Variants in USP53 observed in about 807,000 individuals in gnomAD.
The protein encoded by USP53 is ubiquitin carboxyl-terminal hydrolase 53.
A neutral mutation model predicts 94.9 loss-of-function variants in USP53; 71 were observed. The ratio of observed to expected loss-of-function variants is 0.75; its 90% CI spans 0.62 to 0.91. The LOEUF (loss-of-function observed/expected upper bound fraction) is 0.91, where lower values mean the gene tolerates loss of function less well. USP53 is among the 40% of genes least tolerant of loss of function. The pLI, the probability that USP53 is intolerant of heterozygous loss-of-function variation, is 0.00. For synonymous variants in USP53, 375 were observed against 422.7 expected (o/e 0.89, Z 1.39); for missense variants, 1,173 against 1,281.0 (o/e 0.92, Z 1.29).
In USP53 at chr4:119,293,140, T is replaced by C. The variant is rs765780556; in HGVS notation, c.3151T>C (p.Leu1051=). The C allele has an allele frequency of 3.7e-6, 6 of 1,613,426 alleles. No individual in the cohort carries two copies. The highest frequency in any genetic ancestry group is 1.1e-5 in the South Asian group (1 of 91,052). ...VDSCMTDTYR[L]KYHQRPKLSF... ...TAGCTGCATGACGGATACATATAGA[T>C]TGAAATACCATCAGAGGCCCAAGCT... The change falls in exon 19 of 19, where the codon TTG becomes CTG. Residue 1051 remains leucine (L), a synonymous_variant. Coordinates refer to ENST00000692078, the MANE Select transcript of USP53 (RefSeq NM_001371395.1).
At chr4:119,250,768 C>T (rs1223129936) in intron 7 of USP53, among the ~76,000 whole-genome samples, 1 of 152,038 alleles carries the variant, frequency 6.6e-6, no homozygotes, top group African/African-American at 2.4e-5. Flanking sequence ...AATAAATGCC[C>T]CTTATTGATC....
rs1215985645 is a variant in USP53 at position 119,292,942 on chromosome 4, A to G, written c.2953A>G (p.Thr985Ala). ...TATGAATGATGAAAGACATAAAGAAACATTTCAAGTGAGAGAATGTTTTGG... is the reference window on the plus strand; with the variant it reads ...TATGAATGATGAAAGACATAAAGAAGCATTTCAAGTGAGAGAATGTTTTGG... ...THMNDERHKE[T>A]FQVRECFGNT... Residue 985 changes from threonine (T) to alanine (A), a missense_variant, in exon 19 of 19, where the codon ACA (threonine) becomes GCA (alanine). By Grantham distance (58) the Thr-to-Ala change is moderately conservative (BLOSUM62 0). Transcript: ENST00000692078. The G allele has an allele frequency of 3.7e-6, 6 of 1,614,114 alleles. No homozygotes were observed. The highest frequency in any genetic ancestry group is 5.1e-6 in the Non-Finnish European group (6 of 1,179,982).
intron 7 of USP53, among the ~76,000 whole-genome samples, chr4:119,253,728 A>C (rs1468240903): frequency 1.3e-5 from 2 of 152,102 alleles, no homozygotes; most frequent in Non-Finnish European, 2.9e-5. Flanking sequence ...ATTTAAGGTT[A>C]ATATTGTTAT....
intron 7 of USP53, among the ~76,000 whole-genome samples, chr4:119,255,288 C>T (rs1749604372): frequency 6.6e-6 from 1 of 152,198 alleles, no homozygotes; most frequent in African/African-American, 2.4e-5. Context: ...TTTAAGTCTG[C>T]AGAAGCTGTC....
At position 119,239,809 on chromosome 4, in the gene USP53, T is replaced by C; in HGVS notation, c.50T>C (p.Val17Ala). The change falls in exon 5 of 19, where the codon GTT becomes GCT. Residue 17 changes from valine to alanine, a missense_variant. Transcript: ENST00000692078. The part of the protein sequence containing the change: ...LRKPGGNLGK[V>A]YQPGSMLSLA... ...AAACCTGGTGGCAATCTTGGAAAAG[T>C]TTATCAGCCTGGAAGTATGCTATCA... The C allele has an allele frequency of 6.2e-7, 1 of 1,612,252 alleles. No homozygotes were observed. The highest frequency in any genetic ancestry group is 1.1e-5 in the South Asian group (1 of 90,608).
At chr4:119,226,417 GT>G (rs1178185968) in intron 3 of USP53, among the ~76,000 whole-genome samples, 32 of 152,144 alleles carry the variant, frequency 2.1e-4, no homozygotes, top group African/African-American at 6.0e-4. Context: ...TAGAACTAAG[GT>G]TGCAGTTTTT....
chr4:119,273,434 G>A, intron 16 of USP53, 198 bp from the exon 17 acceptor site: 1 of 433,116 alleles, frequency 2.3e-6, no homozygotes, highest in Non-Finnish European at 4.2e-6. Flanking sequence ...TAATTATTGG[G>A]CAAATTAATT....
At chr4:119,232,999 C>T (rs1052529256) in intron 3 of USP53, among the ~76,000 whole-genome samples, 1 of 151,852 alleles carries the variant, frequency 6.6e-6, no homozygotes, top group Admixed American at 6.6e-5. Context: ...CTAAACTAGC[C>T]TTTTTAAGCT....
chr4:119,256,130 C>A, intron 7 of USP53, 116 bp from the exon 8 acceptor site: 1 of 684,842 alleles, frequency 1.5e-6, no homozygotes, highest in Non-Finnish European at 2.4e-6. Flanking sequence ...GAAAAGCTAA[C>A]AATATGTATG....
At chr4:119,269,587 C>T (rs1161499545) in intron 14 of USP53, 104 bp from the exon 15 acceptor site, 12 of 749,694 alleles carry the variant, frequency 1.6e-5, no homozygotes, top group Non-Finnish European at 2.1e-5. Flanking sequence ...CATATCTATG[C>T]TCTTTTTAAA....
rs1753745454 is a variant in USP53, at chr4:119,283,537, T to C, written c.2252-7628T>C. Among the ~76,000 whole-genome samples the C allele has an allele frequency of 2.0e-5, 3 of 151,892 alleles. No homozygotes were observed. The South Asian group carries it at 6.2e-4, about 31-fold the overall frequency. Reference sequence around the variant, plus strand: ...GGGAGAAAAATTAGTTAGATGATGATTGTAATAGCCTAGGAGAGAAAAGTT... The same window carrying C: ...GGGAGAAAAATTAGTTAGATGATGACTGTAATAGCCTAGGAGAGAAAAGTT... On this transcript the variant is annotated intron_variant, in intron 17 of 18. Transcript: ENST00000692078.
At chr4:119,249,546 A>G (rs1436023671) in intron 7 of USP53, among the ~76,000 whole-genome samples, 1 of 152,098 alleles carries the variant, frequency 6.6e-6, no homozygotes, top group Non-Finnish European at 1.5e-5. Flanking sequence ...TTCTTTCATC[A>G]GAAACCCTTT....
rs148073875 is a variant in USP53, at chr4:119,256,435, A to G, written c.487-6A>G. The stretch of plus-strand genomic sequence containing the variant: ...ATAGATTAAACATATGTTTTTACCT[A>G]TATAGTGTGTGTGTCGTAGCTGTGG... On this transcript the variant is annotated splice_region_variant and splice_polypyrimidine_tract_variant and intron_variant, in intron 8 of 18. Transcript: ENST00000692078. 3.1e-6 allele frequency: 5 copies of G among 1,613,810 alleles called. No homozygotes were observed. The highest frequency in any genetic ancestry group is 3.3e-5 in the Admixed American group (2 of 60,000).
rs141260114 is a variant in USP53, at chr4:119,231,159, C to T, written c.-664-4131C>T. ...TGTCAGGGGTAACTGAGTACTGCTT[C>T]TGGAATCAGAAAGTCCAACTTATGT... On this transcript the variant is annotated intron_variant, in intron 3 of 18. Coordinates refer to ENST00000692078, the MANE Select transcript of USP53 (RefSeq NM_001371395.1). Among the ~76,000 whole-genome samples the T allele has an allele frequency of 4.3e-4, 66 of 152,268 alleles. 1 individual carries two copies. The East Asian group carries it at 0.012, about 28-fold the overall frequency.
Position 119,271,334 on chromosome 4 carries a change from T to A in USP53, c.1474T>A (p.Ser492Thr). The change falls in exon 16 of 19, where the codon TCA becomes ACA. Residue 492 changes from serine to threonine, a missense_variant. Physicochemically the swap from Ser to Thr is moderately conservative, Grantham distance 58. Coordinates refer to ENST00000692078, the MANE Select transcript of USP53 (RefSeq NM_001371395.1). ...DEDLSHFQSG[S>T]PPAPNGFKQH... is the part of the protein sequence containing the mutation. ...AGACCTTTCACATTTCCAATCTGGA[T>A]CACCTCCTGCCCCAAATGGTTTTAA... 1.3e-6 allele frequency: 2 copies of A among 1,579,628 alleles called. No individual in the cohort carries two copies. The highest frequency in any genetic ancestry group is 1.7e-6 in the Non-Finnish European group (2 of 1,168,380).
chr4:119,266,068 C>G (rs567047291), intron 12 of USP53, among the ~76,000 whole-genome samples: 3 of 152,200 alleles, frequency 2.0e-5, no homozygotes, highest in African/African-American at 7.2e-5. Flanking sequence ...AATCACTGGT[C>G]TCATTATAGA....
chr4:119,227,298 CAA>C (rs1491218238), intron 3 of USP53, among the ~76,000 whole-genome samples: 7 of 142,222 alleles, frequency 4.9e-5, no homozygotes, highest in African/African-American at 1.8e-4. Flanking sequence ...CACACACACA[CAA>C]ACTTGAAATG....
chr4:119,270,547 C>T (rs1205715699), intron 15 of USP53, among the ~76,000 whole-genome samples: 2 of 152,134 alleles, frequency 1.3e-5, no homozygotes, highest in African/African-American at 4.8e-5. Flanking sequence ...TCACTCATGG[C>T]ACATTCAAGT....
rs201011529 is a variant in USP53, at chr4:119,255,119, GC to G, written c.373-1125del. ...GAAGCTTTGTCCCAGAGGGGCACCC[GC>G]CTGTATGAGGTGTCTGTTGGCCCCT... On this transcript the variant is annotated intron_variant, in intron 7 of 18. Coordinates refer to ENST00000692078, the MANE Select transcript of USP53 (RefSeq NM_001371395.1). Among the ~76,000 whole-genome samples the G allele has an allele frequency of 7.3e-3, 1,108 of 152,218 alleles. 13 individuals carry two copies. Among genetic ancestry groups the G allele is most frequent in the African/African-American group, 0.025 (1,045 of 41,526 alleles).
Sources: allele counts gnomAD v4.1 joint callset (sites outside exome capture counted in the v4.1 genomes callset), GRCh38; gene constraint gnomAD v4.1.1; transcripts MANE v1.5; gene names NCBI Gene and HGNC (gene_info 2026-07-23, HGNC 2026-07-21).